Variants in CLEC7A observed in about 807,000 individuals in gnomAD.
CLEC7A encodes the protein C-type lectin domain family 7 member A.
CLEC7A carries 25 observed loss-of-function variants against 26.9 expected under a neutral mutation model. The observed-to-expected ratio is 0.93, with a 90% CI of 0.68 to 1.30. CLEC7A has a LOEUF of 1.30. Ranked by LOEUF, CLEC7A falls within the 50% of genes most tolerant of loss-of-function variation. CLEC7A has a pLI of 0.00. For missense variants in CLEC7A, 275 were observed against 286.7 expected (o/e 0.96, Z 0.29); for synonymous variants, 100 against 99.5 (o/e 1.01, Z -0.03).
chr12:10,129,627 T>G (rs1948422038), intron 1 of CLEC7A, among the ~76,000 whole-genome samples: 1 of 152,052 alleles, frequency 6.6e-6, no homozygotes, highest in Non-Finnish European at 1.5e-5. Context: ...TTATTTTTAT[T>G]TTTTTTCAGA....
At chr12:10,124,741 A>C (rs1948215370) in intron 4 of CLEC7A, 1 of 152,210 alleles carries the variant, frequency 6.6e-6, no homozygotes. Context: ...AAACTCACAA[A>C]AATGGGTAGT....
At position 10,122,484 on chromosome 12, in the gene CLEC7A, CTTTTTTT is replaced by C. The variant is rs143612827; in HGVS notation, c.611+754_611+760del. On this transcript the variant is annotated intron_variant, in intron 5 of 5. Transcript: ENST00000304084. ...AGAGGAAAGCACTCTTTCTTTTTTT[CTTTTTTT>C]TTTTTTTTTTTTTTGAGTTGGAGTC... is the stretch of plus-strand genomic sequence containing the variant. Among the ~76,000 whole-genome samples, 34 of 128,802 alleles carry C rather than the reference CTTTTTTT, an allele frequency of 2.6e-4. No homozygotes were observed. In the East Asian group the frequency reaches 6.0e-3, roughly 23 times the overall value. The allele number at this position is 128,802 out of a possible 152,430, so 84.5% of individuals were successfully genotyped here. A position where few individuals can be genotyped will look rare whatever the true frequency, so the allele number is the denominator to read the frequency against.
chr12:10,123,100 C>G, intron 5 of CLEC7A, 145 bp downstream of exon 5: 1 of 616,110 alleles, frequency 1.6e-6, no homozygotes, highest in Non-Finnish European at 2.9e-6. Context: ...CTAGTTCACT[C>G]TTTCTCTTCT....
chr12:10,127,599 G>T lies in CLEC7A; in HGVS notation c.202+148C>A, dbSNP rs1203870567. 3 of 912,716 alleles carry T rather than the reference G, an allele frequency of 3.3e-6. No homozygotes were observed. In the South Asian group the frequency reaches 4.1e-5, roughly 12 times the overall value. 56.5% of individuals were successfully genotyped at this position (912,716 alleles called of 1,614,324 possible). A position where few individuals can be genotyped will look rare whatever the true frequency, so the allele number is the denominator to read the frequency against. ...CTCACACCCTTTATAAGTGAAATGG[G>T]CATTAACAGCACCAACCCAATACAG... On this transcript the variant is annotated intron_variant, in intron 2 of 5. Coordinates refer to ENST00000304084, the MANE Select transcript of CLEC7A (RefSeq NM_197947.3).
In CLEC7A at chr12:10,126,721, A is replaced by G; in HGVS notation, c.203-13T>C. 9 of 1,597,978 alleles carry G rather than the reference A, an allele frequency of 5.6e-6. No homozygotes were observed. The African/African-American group carries it at 9.4e-5, about 17-fold the overall frequency. Reference sequence around the variant, plus strand: ...GATCTCCAAATAGCTTCACATACCAACAATAATAATAGTGACAGAAAAAAT... The same window carrying G: ...GATCTCCAAATAGCTTCACATACCAGCAATAATAATAGTGACAGAAAAAAT... On this transcript the variant is annotated splice_polypyrimidine_tract_variant and intron_variant, in intron 2 of 5. Transcript: ENST00000304084.
chr12:10,129,017 A>T (rs1158555819), intron 1 of CLEC7A, among the ~76,000 whole-genome samples: 4 of 152,222 alleles, frequency 2.6e-5, no homozygotes, highest in African/African-American at 9.6e-5. Flanking sequence ...AGGACATTTC[A>T]TAGAATTGTC....
chr12:10,120,810 A>G (rs1270651521), intron 5 of CLEC7A, among the ~76,000 whole-genome samples: 1 of 143,694 alleles, frequency 7.0e-6, no homozygotes, highest in Non-Finnish European at 1.5e-5. Context: ...GCTGGAGTGC[A>G]GTGGTGCGAT....
chr12:10,123,410 GA>G, intron 4 of CLEC7A, 47 bp from the exon 5 acceptor site: 1 of 1,085,700 alleles, frequency 9.2e-7, no homozygotes, highest in South Asian at 1.3e-5. Context: ...GAGAGAGAGA[GA>G]GAAAGAAACT....
intron 1 of CLEC7A, 53 bp from the exon 2 acceptor site, chr12:10,127,898 T>C: frequency 8.0e-7 from 1 of 1,245,614 alleles, no homozygotes; most frequent in Admixed American, 2.5e-5. Flanking sequence ...TGACGGATGG[T>C]GGGGCAGTTT....
chr12:10,130,058 T>G lies in CLEC7A; in HGVS notation c.25A>C (p.Asn9His), dbSNP rs755209674. MEYHPDLE[N>H]LDEDGYTQLH... ...TGAGTATATCCATCTTCATCCAAAT[T>G]TTCTAAATCAGGATGATATTCCATT... is the stretch of plus-strand genomic sequence containing the variant. The change falls in exon 1 of 6, where the codon AAT (asparagine) becomes CAT (histidine). Residue 9 changes from asparagine (N) to histidine (H), a missense_variant. Physicochemically the swap from Asn to His is moderately conservative, Grantham distance 68. Transcript: ENST00000304084. The G allele has an allele frequency of 1.4e-5, 22 of 1,602,874 alleles. No homozygotes were observed. The East Asian group carries it at 4.2e-4, about 31-fold the overall frequency.
chr12:10,123,371 G>T lies in CLEC7A; in HGVS notation c.493-8C>A. On this transcript the variant is annotated splice_polypyrimidine_tract_variant and splice_region_variant and intron_variant, in intron 4 of 5. Transcript: ENST00000304084. The stretch of plus-strand genomic sequence containing the variant: ...TTGTTTTACTATAAATCCCTGTAAT[G>T]AAACATATACAAATATATAATAAAG... The T allele has an allele frequency of 2.9e-6, 4 of 1,372,498 alleles. No homozygotes were observed. The highest frequency in any genetic ancestry group is 1.2e-5 in the South Asian group (1 of 86,158). The allele number at this position is 1,372,498 out of a possible 1,614,324, so 85.0% of individuals were successfully genotyped here. A position where few individuals can be genotyped will look rare whatever the true frequency, so the allele number is the denominator to read the frequency against.
chr12:10,125,192 A>AG, intron 4 of CLEC7A, 105 bp downstream of exon 4: 1 of 1,160,740 alleles, frequency 8.6e-7, no homozygotes, highest in East Asian at 2.4e-5. Context: ...AAAAAAAAAA[A>AG]AAAAAAAGAC....
At chr12:10,119,975 G>A (rs556133818) in intron 5 of CLEC7A, among the ~76,000 whole-genome samples, 4 of 152,210 alleles carry the variant, frequency 2.6e-5, no homozygotes, top group Admixed American at 2.0e-4. Flanking sequence ...AGAAGTATAC[G>A]TGTTGAAATA....
rs1017905274 is a variant in CLEC7A at position 10,117,878 on chromosome 12, G to C, written c.*580C>G. ...TAAGATTCGCTTATGGCTTACCCAAGGTAAATGCCAAGTCAATGGCAGAAT... is the reference window on the plus strand; with the variant it reads ...TAAGATTCGCTTATGGCTTACCCAACGTAAATGCCAAGTCAATGGCAGAAT... On this transcript the variant is annotated 3_prime_UTR_variant, in exon 6 of 6. Transcript: ENST00000304084. 6.5e-6 allele frequency: 1 copy of C among 152,738 alleles called. No homozygotes were observed. Among genetic ancestry groups the C allele is most frequent in the Admixed American group, 6.5e-5 (1 of 15,274 alleles). 9.5% of individuals were successfully genotyped at this position (152,738 alleles called of 1,614,324 possible).
chr12:10,127,257 AT>A, intron 2 of CLEC7A: 1 of 1,414,236 alleles, frequency 7.1e-7, no homozygotes. Context: ...TTTCTGGTGT[AT>A]TCAAAGGTGT....
chr12:10,117,530 C>CAAGAA lies in CLEC7A; in HGVS notation c.*927_*928insTTCTT, dbSNP rs1947948659. The CAAGAA allele has an allele frequency of 1.8e-5, 1 of 57,024 alleles. No homozygotes were observed. Among genetic ancestry groups the CAAGAA allele is most frequent in the Admixed American group, 2.0e-4 (1 of 5,122 alleles). The allele number at this position is 57,024 out of a possible 1,614,324, so 3.5% of individuals were successfully genotyped here. A position where few individuals can be genotyped will look rare whatever the true frequency, so the allele number is the denominator to read the frequency against. ...GGGCAACAAGAGCGAAACTCTGTCT[C>CAAGAA]AAAAAAAAAAAAAAAAAAAAAGATT... On this transcript the variant is annotated 3_prime_UTR_variant, in exon 6 of 6. Transcript: ENST00000304084.
At chr12:10,126,254 A>T (rs11836992) in intron 3 of CLEC7A, 5 of 980,380 alleles carry the variant, frequency 5.1e-6, no homozygotes, top group Non-Finnish European at 6.1e-6. Context: ...GGGAGAGAAC[A>T]CTTTTCTTTT....
At position 10,123,315 on chromosome 12, in the gene CLEC7A, T is replaced by C. The variant is rs1948156846; in HGVS notation, c.541A>G (p.Ile181Val). 3.1e-6 allele frequency: 5 copies of C among 1,613,516 alleles called. No individual in the cohort carries two copies. The highest frequency in any genetic ancestry group is 4.2e-6 in the Non-Finnish European group (5 of 1,179,460). ...TCAGTCTGGGGCCGAGAAAGGCCTA[T>C]CCAAAATGAATTATCAGGTTGGGAA... Reference protein sequence around the residue: ...VSSQPDNSFWIGLSRPQTEVP... With the variant: ...VSSQPDNSFWVGLSRPQTEVP... Residue 181 changes from isoleucine (I) to valine (V), a missense_variant, in exon 5 of 6, where the codon ATA (isoleucine) becomes GTA (valine). Physicochemically the swap from Ile to Val is conservative, Grantham distance 29 (BLOSUM62 3). Coordinates refer to ENST00000304084, the MANE Select transcript of CLEC7A (RefSeq NM_197947.3).
At chr12:10,128,620 G>C (rs1320525860) in intron 1 of CLEC7A, among the ~76,000 whole-genome samples, 1 of 152,108 alleles carries the variant, frequency 6.6e-6, no homozygotes, top group African/African-American at 2.4e-5. Context: ...TGAAACTGGG[G>C]TAATAATATC....
Sources: allele counts gnomAD v4.1 joint callset (sites outside exome capture counted in the v4.1 genomes callset), GRCh38; gene constraint gnomAD v4.1.1; transcripts MANE v1.5; gene names NCBI Gene and HGNC (gene_info 2026-07-23, HGNC 2026-07-21).